COL9A1: variants seen among roughly 807,000 people sequenced by gnomAD.
COL9A1 encodes collagen alpha-1(IX) chain.
COL9A1 carries 104 observed loss-of-function variants against 142.6 expected under a neutral mutation model. The observed-to-expected ratio is 0.73, with a 90% confidence interval of 0.62 to 0.86. The LOEUF (loss-of-function observed/expected upper bound fraction) is 0.86, where lower values mean the gene tolerates loss of function less well. Among genes scored for constraint, COL9A1 ranks in the 40% least tolerant of loss-of-function variants. The probability of loss-of-function intolerance (pLI) is 0.00; values close to 1 mark genes in which losing one functional copy is unlikely to be tolerated. For missense variants in COL9A1, 1,210 were observed against 1,176.6 expected (o/e 1.03, Z -0.42); for synonymous variants, 466 against 396.0 (o/e 1.18, Z -2.10).
At chr6:70,240,818 A>G in intron 31 of COL9A1, 85 bp from the exon 32 acceptor site, 1 of 1,023,442 alleles carries the variant, frequency 9.8e-7, no homozygotes, top group Non-Finnish European at 1.6e-6. Flanking sequence ...AAGCATTCAT[A>G]AGTGCCCACA....
At chr6:70,255,496 A>G (rs1771224184) in intron 21 of COL9A1, 106 bp from the exon 22 acceptor site, 1 of 978,128 alleles carries the variant, frequency 1.0e-6, no homozygotes, top group Admixed American at 1.8e-5. Flanking sequence ...GTCTTCCACC[A>G]CAATGGCTTT....
chr6:70,285,196 G>A (rs1365376956), intron 5 of COL9A1, among the ~76,000 whole-genome samples: 1 of 152,214 alleles, frequency 6.6e-6, no homozygotes, highest in Non-Finnish European at 1.5e-5. Context: ...CTGCAATTGT[G>A]GCACAGGATA....
rs201634520 is a variant in COL9A1, at chr6:70,294,351, T to C, written c.512A>G (p.Asn171Ser). Residue 171 changes from asparagine to serine, a missense_variant, in exon 5 of 38, where the codon AAT becomes AGT. By Grantham distance (46) the Asn-to-Ser change is conservative (BLOSUM62 1). Transcript: ENST00000357250. Reference sequence around the variant, plus strand: ...CTGGGAATCAAACAAGGAGGACAAATTCGAAAAGGCTGCTGTTTGGAGACT... The same window carrying C: ...CTGGGAATCAAACAAGGAGGACAAACTCGAAAAGGCTGCTGTTTGGAGACT... Reference protein sequence around the residue: ...DGSLQTAAFSNLSSLFDSQWH... With the variant: ...DGSLQTAAFSSLSSLFDSQWH... The C allele has an allele frequency of 1.1e-4, 174 of 1,613,910 alleles. No individual in the cohort carries two copies. The highest frequency in any genetic ancestry group is 1.4e-4 in the Non-Finnish European group (163 of 1,179,978).
At chr6:70,252,613 T>G (rs1206871237) in intron 26 of COL9A1, among the ~76,000 whole-genome samples, 1 of 152,232 alleles carries the variant, frequency 6.6e-6, no homozygotes, top group Non-Finnish European at 1.5e-5. Flanking sequence ...CTTCACAATA[T>G]TAATAATATA....
At chr6:70,250,177 C>T (rs1293102004) in intron 28 of COL9A1, among the ~76,000 whole-genome samples, 1 of 152,084 alleles carries the variant, frequency 6.6e-6, no homozygotes, top group Non-Finnish European at 1.5e-5. Flanking sequence ...GGGAGGATCA[C>T]TTGAACCCAG....
At chr6:70,253,283 TATAAA>T in intron 26 of COL9A1, 97 bp downstream of exon 26, 1 of 820,416 alleles carries the variant, frequency 1.2e-6, no homozygotes, top group South Asian at 1.7e-5. Flanking sequence ...TAGGGCCAAA[TATAAA>T]ATAAAACACA....
intron 33 of COL9A1, among the ~76,000 whole-genome samples, chr6:70,237,392 T>G (rs1242373237): frequency 1.3e-5 from 2 of 152,214 alleles, no homozygotes; most frequent in Non-Finnish European, 2.9e-5. Context: ...TTCACAACTT[T>G]GTCTATGCTG....
intron 14 of COL9A1, 42 bp from the exon 15 acceptor site, chr6:70,270,409 T>C (rs1197287697): frequency 1.9e-6 from 3 of 1,573,262 alleles, no homozygotes; most frequent in South Asian, 2.2e-5. Context: ...TATACATGTG[T>C]CAAAACACAG....
intron 29 of COL9A1, 106 bp downstream of exon 29, chr6:70,242,556 A>G: frequency 1.0e-6 from 1 of 991,406 alleles, no homozygotes; most frequent in Non-Finnish European, 1.6e-6. Context: ...ATAACAAGAG[A>G]AATCAAGTAC....
chr6:70,237,735 TAAA>T (rs897734977), intron 33 of COL9A1, among the ~76,000 whole-genome samples: 1 of 152,224 alleles, frequency 6.6e-6, no homozygotes, highest in African/African-American at 2.4e-5. Flanking sequence ...CCATTTCTGT[TAAA>T]AATTCTTAGG....
rs950173474 is a variant in COL9A1 at position 70,216,162 on chromosome 6, A to C, written c.*735T>G. 4 of 152,658 alleles carry C rather than the reference A, an allele frequency of 2.6e-5. No individual in the cohort carries two copies. The highest frequency in any genetic ancestry group is 5.9e-5 in the Non-Finnish European group (4 of 68,046). The allele number at this position is 152,658 out of a possible 1,614,324, so 9.5% of individuals were successfully genotyped here. On this transcript the variant is annotated 3_prime_UTR_variant, in exon 38 of 38. Coordinates refer to ENST00000357250, the MANE Select transcript of COL9A1 (RefSeq NM_001851.6). ...TATTTATTTCTTCTTTGGTACAACC[A>C]GAGATGTTACCTCAAACCTTTAAAA...
intron 12 of COL9A1, 70 bp from the exon 13 acceptor site, chr6:70,272,158 A>C: frequency 7.0e-6 from 9 of 1,285,286 alleles, no homozygotes; most frequent in Non-Finnish European, 1.0e-5. Flanking sequence ...TGTAGACATA[A>C]CTCAGCTAAA....
chr6:70,297,992 T>G (rs1773908062), intron 4 of COL9A1, among the ~76,000 whole-genome samples: 1 of 152,246 alleles, frequency 6.6e-6, no homozygotes, highest in Non-Finnish European at 1.5e-5. Context: ...TAATAGTTTC[T>G]TTCACTGTCT....
At chr6:70,253,827 G>T (rs1250100142) in intron 25 of COL9A1, among the ~76,000 whole-genome samples, 2 of 152,256 alleles carry the variant, frequency 1.3e-5, no homozygotes, top group Admixed American at 6.5e-5. Flanking sequence ...TCTCAGAAAT[G>T]CTGAGCTTTA....
At chr6:70,258,265 C>T (rs1487259352) in intron 20 of COL9A1, among the ~76,000 whole-genome samples, 1 of 152,074 alleles carries the variant, frequency 6.6e-6, no homozygotes, top group Non-Finnish European at 1.5e-5. Flanking sequence ...TTCTAATGAA[C>T]CAAGTTGAGA....
At chr6:70,295,432 G>A (rs576486379) in intron 4 of COL9A1, among the ~76,000 whole-genome samples, 6 of 151,570 alleles carry the variant, frequency 4.0e-5, no homozygotes, top group Admixed American at 1.3e-4. Context: ...GATTACAGGC[G>A]CCCACCATTA....
chr6:70,264,022 G>A (rs1771865960), intron 18 of COL9A1, among the ~76,000 whole-genome samples: 1 of 151,784 alleles, frequency 6.6e-6, no homozygotes, highest in East Asian at 1.9e-4. Context: ...TCTCCACACA[G>A]TTTTCAAAAT....
At chr6:70,280,294 T>A in intron 10 of COL9A1, 1 of 1,232,516 alleles carries the variant, frequency 8.1e-7, no homozygotes. Flanking sequence ...CCCCACTCAC[T>A]TCAAGTGCAT....
chr6:70,280,735 C>A (rs1773097911), intron 10 of COL9A1, 77 bp downstream of exon 10: 6 of 1,485,352 alleles, frequency 4.0e-6, no homozygotes, highest in Non-Finnish European at 5.5e-6. Flanking sequence ...CTCTCCCTCC[C>A]CCCCCACAAA....
Sources: gnomAD v4.1 joint callset for allele counts (sites outside exome capture counted in the v4.1 genomes callset) on GRCh38, gnomAD v4.1.1 for gene constraint, MANE v1.5 for transcripts, NCBI Gene and HGNC (gene_info 2026-07-23, HGNC 2026-07-21) for gene names.